Variants in DCLK1 observed in about 807,000 individuals in gnomAD.
The protein encoded by DCLK1 is doublecortin like kinase 1.
Under a neutral mutation model 86.2 loss-of-function variants are expected in DCLK1, and 16 were observed. That is an observed-to-expected ratio of 0.19 (90% CI 0.13 to 0.28). DCLK1 has a LOEUF of 0.28. Among genes scored for constraint, DCLK1 ranks in the 10% least tolerant of loss-of-function variants. DCLK1 has a pLI of 1.00. For synonymous variants in DCLK1, 369 were observed against 370.5 expected, an observed-to-expected ratio of 1.00 and a Z score of 0.05; for missense variants, 590 against 940.2, an observed-to-expected ratio of 0.63 and a Z score of 4.87.
intron 4 of DCLK1, among the ~76,000 whole-genome samples, chr13:35,917,642 A>G (rs183840436): frequency 6.6e-6 from 1 of 152,316 alleles, no homozygotes; most frequent in Admixed American, 6.5e-5. Flanking sequence ...CAACAACTGA[A>G]AACAAAAAGA....
chr13:36,073,588 C>T (rs1884058743), intron 3 of DCLK1, among the ~76,000 whole-genome samples: 1 of 152,082 alleles, frequency 6.6e-6, no homozygotes, highest in Non-Finnish European at 1.5e-5. Flanking sequence ...ATGCTATCAC[C>T]CAAAACAAAC....
At chr13:36,058,599 G>A (rs60318815) in intron 3 of DCLK1, among the ~76,000 whole-genome samples, 18,804 of 152,080 alleles carry the variant, frequency 0.12, 1,488 homozygotes, top group South Asian at 0.36. Flanking sequence ...ATGGGATTGC[G>A]GCAGCCAGGA....
chr13:36,110,917 G>A (rs1231485543), intron 3 of DCLK1, among the ~76,000 whole-genome samples: 3 of 142,620 alleles, frequency 2.1e-5, no homozygotes, highest in Non-Finnish European at 3.0e-5. Flanking sequence ...TGCAAGCTCC[G>A]CCTCCCGGGT....
intron 2 of DCLK1, among the ~76,000 whole-genome samples, chr13:36,118,687 A>AAG (rs927307743): frequency 4.6e-5 from 7 of 152,150 alleles, no homozygotes; most frequent in African/African-American, 1.4e-4. Context: ...TTGAGAGATT[A>AAG]AGAGAGAGAG....
At chr13:35,956,473 GA>G (rs746765468) in intron 3 of DCLK1, among the ~76,000 whole-genome samples, 23 of 152,220 alleles carry the variant, frequency 1.5e-4, no homozygotes, top group Non-Finnish European at 2.4e-4. Flanking sequence ...AGAGAAACAT[GA>G]AGCCACATAA....
rs898745398 is a variant in DCLK1 at position 35,973,426 on chromosome 13, C to T, written c.724-25969G>A. Reference sequence around the variant, plus strand: ...AAGCTCTCCCCTGCACCTCGCACCTCGGTCTATGCCTTGATTGGGCCAGAT... The same window carrying T: ...AAGCTCTCCCCTGCACCTCGCACCTTGGTCTATGCCTTGATTGGGCCAGAT... On this transcript the variant is annotated intron_variant, in intron 3 of 16. Transcript: ENST00000360631. 3.9e-5 allele frequency among the ~76,000 whole-genome samples: 6 copies of T among 152,172 alleles called. No individual in the cohort carries two copies. The South Asian group carries it at 6.2e-4, about 16-fold the overall frequency.
chr13:35,989,134 C>T (rs1380669168), intron 3 of DCLK1, among the ~76,000 whole-genome samples: 1 of 152,194 alleles, frequency 6.6e-6, no homozygotes, highest in Admixed American at 6.5e-5. Flanking sequence ...CCAACACCTA[C>T]CGCATGCTCT....
At chr13:35,814,234 C>T (rs1343148083) in intron 11 of DCLK1, among the ~76,000 whole-genome samples, 1 of 152,194 alleles carries the variant, frequency 6.6e-6, no homozygotes, top group African/African-American at 2.4e-5. Flanking sequence ...TCACAGATTG[C>T]TAAATACACC....
intron 15 of DCLK1, 142 bp downstream of exon 15, chr13:35,805,557 C>A: frequency 1.3e-6 from 1 of 785,634 alleles, no homozygotes; most frequent in South Asian, 2.1e-5. Context: ...CCTCGGCCTC[C>A]CAAAGGGCTG....
intron 3 of DCLK1, among the ~76,000 whole-genome samples, chr13:36,051,457 T>A (rs1883120202): frequency 6.6e-6 from 1 of 152,152 alleles, no homozygotes; most frequent in Non-Finnish European, 1.5e-5. Flanking sequence ...AATTTTTTTT[T>A]ATTTCTTTAA....
chr13:35,830,400 A>G (rs894565731), intron 8 of DCLK1, among the ~76,000 whole-genome samples: 4 of 152,172 alleles, frequency 2.6e-5, no homozygotes, highest in African/African-American at 4.8e-5. Context: ...AAGAGCAAAC[A>G]TAAATGAGAA....
intron 3 of DCLK1, among the ~76,000 whole-genome samples, chr13:36,045,332 G>GTGTA (rs1434268651): frequency 2.0e-3 from 112 of 55,724 alleles, no homozygotes; most frequent in African/African-American, 5.6e-3. Flanking sequence ...GTGTGTGTGT[G>GTGTA]TATATATATA....
intron 3 of DCLK1, among the ~76,000 whole-genome samples, chr13:36,073,441 T>A (rs961591108): frequency 1.3e-5 from 2 of 152,126 alleles, no homozygotes; most frequent in Non-Finnish European, 2.9e-5. Flanking sequence ...AATATGAGGT[T>A]CAGAGAGGGT....
intron 3 of DCLK1, among the ~76,000 whole-genome samples, chr13:36,020,443 C>T (rs1044414472): frequency 1.3e-5 from 2 of 152,064 alleles, no homozygotes; most frequent in Non-Finnish European, 2.9e-5. Flanking sequence ...CAAAGGCTTG[C>T]ACCAATTTGA....
intron 5 of DCLK1, among the ~76,000 whole-genome samples, chr13:35,862,710 T>A (rs1336579256): frequency 6.6e-6 from 1 of 152,202 alleles, no homozygotes; most frequent in Non-Finnish European, 1.5e-5. Flanking sequence ...AAGCAACTAT[T>A]CCCTAACTAT....
At chr13:35,967,695 C>T (rs892177001) in intron 3 of DCLK1, among the ~76,000 whole-genome samples, 12 of 152,098 alleles carry the variant, frequency 7.9e-5, no homozygotes, top group Non-Finnish European at 1.3e-4. Flanking sequence ...CTGCGGAAGG[C>T]GGCAGGGCCC....
At chr13:36,051,292 G>A (rs1883114413) in intron 3 of DCLK1, among the ~76,000 whole-genome samples, 3 of 152,044 alleles carry the variant, frequency 2.0e-5, no homozygotes, top group Admixed American at 6.6e-5. Flanking sequence ...ACTCTTCAGT[G>A]TTTCAACACA....
At chr13:35,793,249 G>A (rs373569186) in intron 16 of DCLK1, 117 bp downstream of exon 16, 4 of 650,704 alleles carry the variant, frequency 6.1e-6, no homozygotes. Flanking sequence ...AAGTGGCTGA[G>A]CTGTCTAAAG....
At chr13:35,986,293 T>G (rs1447507230) in intron 3 of DCLK1, among the ~76,000 whole-genome samples, 5 of 86,770 alleles carry the variant, frequency 5.8e-5, no homozygotes, top group Non-Finnish European at 8.0e-5. Flanking sequence ...CAGAGTGGAC[T>G]CCGTCTCAAA....
Sources: allele counts gnomAD v4.1 joint callset (sites outside exome capture counted in the v4.1 genomes callset), GRCh38; gene constraint gnomAD v4.1.1; transcripts MANE v1.5; gene names NCBI Gene and HGNC (gene_info 2026-07-23, HGNC 2026-07-21).